Variants in ZNF81 observed in about 807,000 individuals in gnomAD.
ZNF81 encodes zinc finger protein 81 (HFZ20).
A neutral mutation model predicts 32.3 loss-of-function variants in ZNF81; 5 were observed. That is an observed-to-expected ratio of 0.15 (90% CI 0.08 to 0.33). The LOEUF (loss-of-function observed/expected upper bound fraction) is 0.33. ZNF81 is among the 10% of genes least tolerant of loss of function. ZNF81 has a pLI of 1.00. For synonymous variants in ZNF81, 163 were observed against 166.8 expected (o/e 0.98, Z 0.17); for missense variants, 379 against 479.8 (o/e 0.79, Z 1.96).
rs1236219114 is a variant in ZNF81 at position 47,921,591 on chromosome X, T to C, written c.*4959T>C. The C allele has an allele frequency of 1.8e-5, 2 of 111,162 alleles. No individual in the cohort carries two copies. Among genetic ancestry groups the C allele is most frequent in the Non-Finnish European group, 3.8e-5 (2 of 53,022 alleles). The allele number at this position is 111,162 out of a possible 1,213,427, so 9.2% of individuals were successfully genotyped here. On this transcript the variant is annotated 3_prime_UTR_variant, in exon 5 of 5. Coordinates refer to ENST00000338637, the MANE Select transcript of ZNF81 (RefSeq NM_007137.5). ...CCCTCCTCTTGAGTTTGGACTGGAA[T>C]TAGTGACTTGGTTCTAGTGAATAGA...
intron 2 of ZNF81, among the ~76,000 whole-genome samples, chrX:47,858,817 G>A (rs2058527395): frequency 9.0e-6 from 1 of 111,699 alleles, no homozygotes; most frequent in Non-Finnish European, 1.9e-5. Flanking sequence ...TCGGCTGGGC[G>A]TGGTGGCTCA....
chrX:47,904,127 A>G (rs1270674349), intron 4 of ZNF81, among the ~76,000 whole-genome samples: 20 of 112,153 alleles, frequency 1.8e-4, no homozygotes, highest in African/African-American at 6.5e-4. Context: ...AACTTAGGCA[A>G]TACCATTCAG....
intron 4 of ZNF81, among the ~76,000 whole-genome samples, chrX:47,904,994 A>G (rs1556888885): frequency 9.1e-6 from 1 of 109,411 alleles, no homozygotes; most frequent in African/African-American, 3.4e-5. Flanking sequence ...GTTCTCACTC[A>G]TAGGTGGGAG....
At chrX:47,902,085 TA>T (rs1556888092) in intron 4 of ZNF81, among the ~76,000 whole-genome samples, 1 of 111,932 alleles carries the variant, frequency 8.9e-6, no homozygotes, top group Non-Finnish European at 1.9e-5. Context: ...CTTCTTGTTT[TA>T]ATAATTTGTT....
intron 4 of ZNF81, among the ~76,000 whole-genome samples, chrX:47,904,832 G>A (rs1431680928): frequency 8.9e-6 from 1 of 111,752 alleles, no homozygotes; most frequent in Non-Finnish European, 1.9e-5. Flanking sequence ...AACAACGATA[G>A]ACTGGATTAA....
At chrX:47,875,798 A>G (rs2058597577) in intron 2 of ZNF81, among the ~76,000 whole-genome samples, 1 of 112,308 alleles carries the variant, frequency 8.9e-6, no homozygotes, top group African/African-American at 3.2e-5. Flanking sequence ...ACTGATTTGC[A>G]TCACAGGCAA....
intron 2 of ZNF81, among the ~76,000 whole-genome samples, chrX:47,876,757 G>A (rs910160091): frequency 2.7e-5 from 3 of 112,354 alleles, no homozygotes; most frequent in Admixed American, 9.4e-5. Context: ...TCAGTTGGTG[G>A]GAATCCCCTG....
chrX:47,904,012 T>A (rs1220808165), intron 4 of ZNF81, among the ~76,000 whole-genome samples: 4 of 108,933 alleles, frequency 3.7e-5, no homozygotes, highest in East Asian at 5.8e-4. Context: ...AGCCATATGT[T>A]GAAAGCTGAA....
rs1356141234 is a variant in ZNF81, at chrX:47,860,351, A to AT, written c.54+14041dup. The stretch of plus-strand genomic sequence containing the variant: ...CCACCATGCCCGGCTAATTTTTCAT[A>AT]TTTTTTTTTTTAGTAGAGATGGGGT... On this transcript the variant is annotated intron_variant, in intron 2 of 4. Coordinates refer to ENST00000338637, the MANE Select transcript of ZNF81 (RefSeq NM_007137.5). 3.6e-3 allele frequency among the ~76,000 whole-genome samples: 365 copies of AT among 100,339 alleles called. 1 individual carries two copies. The highest frequency in any genetic ancestry group is 0.012 in the African/African-American group (330 of 27,646). The allele number at this position is 100,339 out of a possible 115,157, so 87.1% of individuals were successfully genotyped here.
intron 2 of ZNF81, among the ~76,000 whole-genome samples, chrX:47,864,116 A>G (rs1417871634): frequency 8.9e-6 from 1 of 111,865 alleles, no homozygotes; most frequent in African/African-American, 3.3e-5. Flanking sequence ...GGTCAGGCAT[A>G]TTCATGACCA....
chrX:47,907,967 G>T (rs782482932), intron 4 of ZNF81, among the ~76,000 whole-genome samples: 1 of 111,505 alleles, frequency 9.0e-6, no homozygotes, highest in East Asian at 2.8e-4. Flanking sequence ...TGGTCTTTTA[G>T]AGAAGAAATA....
At position 47,922,637 on chromosome X, in the gene ZNF81, T is replaced by G. The variant is rs682345; in HGVS notation, c.*6005T>G. Among the ~76,000 whole-genome samples the G allele has an allele frequency of 0.1, 11,162 of 111,500 alleles. 1,112 individuals are homozygous for G. The highest frequency in any genetic ancestry group is 0.31 in the African/African-American group (9,513 of 30,441). ...GAAAGTTAGTTAACCTCTGTCCTGA[T>G]GGTTTTCATCTATAAAAGATGTACA... On this transcript the variant is annotated 3_prime_UTR_variant, in exon 5 of 5. Transcript: ENST00000338637.
chrX:47,886,107 G>A (rs2058640756), intron 2 of ZNF81, among the ~76,000 whole-genome samples: 1 of 112,052 alleles, frequency 8.9e-6, no homozygotes, highest in African/African-American at 3.2e-5. Flanking sequence ...ATGTTTTTGA[G>A]CATAATTATA....
chrX:47,838,401 T>C (rs1445823807), intron 1 of ZNF81, among the ~76,000 whole-genome samples: 1 of 112,193 alleles, frequency 8.9e-6, no homozygotes, highest in Non-Finnish European at 1.9e-5. Flanking sequence ...GGGGAAAATA[T>C]TCAACCTTTT....
Position 47,895,466 on chromosome X carries a change from A to T in ZNF81, c.182-379A>T, listed in dbSNP as rs148280583. Reference sequence around the variant, plus strand: ...CCAAAGAGTGCCAACAAACACTAGAAACTAGAAGATGCTGAAAGGTTCTCT... The same window carrying T: ...CCAAAGAGTGCCAACAAACACTAGATACTAGAAGATGCTGAAAGGTTCTCT... On this transcript the variant is annotated intron_variant, in intron 3 of 4. Coordinates refer to ENST00000338637, the MANE Select transcript of ZNF81 (RefSeq NM_007137.5). Among the ~76,000 whole-genome samples the T allele has an allele frequency of 5.8e-3, 651 of 111,842 alleles. 8 individuals carry two copies. The highest frequency in any genetic ancestry group is 0.049 in the East Asian group (173 of 3,514).
At chrX:47,860,065 A>G (rs1166852778) in intron 2 of ZNF81, among the ~76,000 whole-genome samples, 1 of 111,208 alleles carries the variant, frequency 9.0e-6, no homozygotes, top group African/African-American at 3.3e-5. Context: ...TAGGGGTGCC[A>G]GGAACATCTG....
chrX:47,916,404 CTG>C lies in ZNF81; in HGVS notation c.1761_1762del (p.Cys587Ter). On this transcript the variant is annotated frameshift_variant, in exon 5 of 5. Transcript: ENST00000338637. LOFTEE classifies it high-confidence loss of function. The stretch of plus-strand genomic sequence containing the variant: ...CAGAGAAGCCTTATAAATGTCCTGA[CTG>C]TGAGAAATCCTTCTCCAAGAAACCA... ...TTEKPYKCPD[C>X]EKSFSKKPHL... is the part of the protein sequence containing the mutation. 1 of 1,211,297 alleles carries C rather than the reference CTG, an allele frequency of 8.3e-7. No individual in the cohort carries two copies. Among genetic ancestry groups the C allele is most frequent in the South Asian group, 1.8e-5 (1 of 56,945 alleles).
intron 2 of ZNF81, among the ~76,000 whole-genome samples, chrX:47,856,053 A>C (rs1556881834): frequency 4.7e-5 from 2 of 42,316 alleles, no homozygotes; most frequent in East Asian, 1.2e-3. Context: ...TGCCTCAAAA[A>C]AAAAAAAAAA....
At chrX:47,914,782 G>A in intron 4 of ZNF81, 142 bp from the exon 5 acceptor site, 1 of 542,380 alleles carries the variant, frequency 1.8e-6, no homozygotes, top group Non-Finnish European at 2.9e-6. Context: ...ACATAAAAGT[G>A]CTATATATGT....
Sources: gnomAD v4.1 joint callset for allele counts (sites outside exome capture counted in the v4.1 genomes callset) on GRCh38, gnomAD v4.1.1 for gene constraint, MANE v1.5 for transcripts, NCBI Gene and HGNC (gene_info 2026-07-23, HGNC 2026-07-21) for gene names.